CDH12: variants seen among roughly 807,000 people sequenced by gnomAD.
CDH12 encodes cadherin-12.
CDH12 carries 41 observed loss-of-function variants against 74.1 expected under a neutral mutation model. The observed-to-expected ratio is 0.55, with a 90% CI of 0.43 to 0.72. The LOEUF is 0.72. Ranked by LOEUF, CDH12 falls within the 30% of genes least tolerant of loss-of-function variation. The pLI is 0.00. For synonymous variants in CDH12, 399 were observed against 355.0 expected (o/e 1.12, Z -1.39); for missense variants, 945 against 977.2 (o/e 0.97, Z 0.44).
intron 3 of CDH12, among the ~76,000 whole-genome samples, chr5:22,389,508 T>TA (rs561605306): frequency 1.2e-4 from 19 of 152,242 alleles, no homozygotes; most frequent in Non-Finnish European, 2.4e-4. Flanking sequence ...TTTACTTAGG[T>TA]AAAAAATACA....
At chr5:22,074,991 C>T (rs1025256689) in intron 5 of CDH12, among the ~76,000 whole-genome samples, 3 of 151,978 alleles carry the variant, frequency 2.0e-5, no homozygotes, top group African/African-American at 7.3e-5. Context: ...AAACATGGTG[C>T]TATAAAGAGA....
intron 5 of CDH12, among the ~76,000 whole-genome samples, chr5:22,030,945 A>T (rs568743033): frequency 8.5e-5 from 13 of 152,310 alleles, no homozygotes; most frequent in African/African-American, 3.1e-4. Flanking sequence ...AAACTCTCCT[A>T]GCTGCAGACT....
At chr5:22,278,185 T>C (rs1736723877) in intron 3 of CDH12, 1 of 152,180 alleles carries the variant, frequency 6.6e-6, no homozygotes, top group Non-Finnish European at 1.5e-5. Flanking sequence ...TAAATTATCA[T>C]AGAAATCAGT....
intron 3 of CDH12, among the ~76,000 whole-genome samples, chr5:22,253,698 C>T (rs1014523663): frequency 2.0e-5 from 3 of 151,754 alleles, no homozygotes; most frequent in African/African-American, 7.2e-5. Flanking sequence ...TCCTCTTCCC[C>T]TTTTCCCTCT....
chr5:21,913,818 G>A (rs1411491679), intron 6 of CDH12, among the ~76,000 whole-genome samples: 2 of 151,904 alleles, frequency 1.3e-5, no homozygotes, highest in Non-Finnish European at 2.9e-5. Flanking sequence ...CCCTGTAGTG[G>A]GACTACAGGT....
Position 22,795,699 on chromosome 5 carries a change from C to T in CDH12, c.-523+57359G>A, listed in dbSNP as rs114247612. On this transcript the variant is annotated intron_variant, in intron 1 of 14. Transcript: ENST00000382254. ...GTCCAAAGGTGGAAGCATACATACA[C>T]TGTATGGTAACTAGCAAGAGCAGAC... Among the ~76,000 whole-genome samples the T allele has an allele frequency of 5.5e-3, 829 of 151,678 alleles. 6 individuals carry two copies. Among genetic ancestry groups the T allele is most frequent in the African/African-American group, 0.019 (779 of 41,374 alleles).
rs565026470 is a variant in CDH12, at chr5:22,602,802, T to C, written c.-522-97438A>G. On this transcript the variant is annotated intron_variant, in intron 1 of 14. Coordinates refer to ENST00000382254, the MANE Select transcript of CDH12 (RefSeq NM_004061.5). The stretch of plus-strand genomic sequence containing the variant: ...TTTTGTGATGCCAGTTCCTTTGGGA[T>C]TACAAAAAATAATACCCTCATTAAC... Among the ~76,000 whole-genome samples the C allele has an allele frequency of 3.9e-5, 6 of 152,272 alleles. No individual in the cohort carries two copies. In the East Asian group the frequency reaches 1.2e-3, roughly 29 times the overall value.
chr5:22,660,979 G>T (rs6872869), intron 1 of CDH12, among the ~76,000 whole-genome samples: 100,390 of 152,032 alleles, frequency 0.66, 33,352 homozygotes, highest in Admixed American at 0.73. Flanking sequence ...GTTTTCATTA[G>T]ATTAAGGACT....
At chr5:21,846,079 T>C (rs1376723292) in intron 7 of CDH12, among the ~76,000 whole-genome samples, 1 of 152,268 alleles carries the variant, frequency 6.6e-6, no homozygotes, top group Non-Finnish European at 1.5e-5. Flanking sequence ...AACGTGGCAC[T>C]AGCCAGGTAG....
intron 4 of CDH12, among the ~76,000 whole-genome samples, chr5:22,127,487 A>G (rs1226053686): frequency 8.4e-6 from 1 of 119,062 alleles, no homozygotes; most frequent in African/African-American, 2.9e-5. Context: ...CGAAAAAAAA[A>G]AAAAAAAGAG....
intron 3 of CDH12, among the ~76,000 whole-genome samples, chr5:22,334,818 C>T (rs1252254377): frequency 6.6e-6 from 1 of 152,004 alleles, no homozygotes; most frequent in Non-Finnish European, 1.5e-5. Context: ...AGAAACTAGA[C>T]CCTTCTCTCA....
At chr5:21,835,997 A>G (rs1341995160) in intron 8 of CDH12, among the ~76,000 whole-genome samples, 1 of 151,804 alleles carries the variant, frequency 6.6e-6, no homozygotes, top group Non-Finnish European at 1.5e-5. Context: ...ATGTGTACAT[A>G]TATACACGTA....
chr5:22,397,600 A>G (rs531705224), intron 3 of CDH12, among the ~76,000 whole-genome samples: 81 of 152,238 alleles, frequency 5.3e-4, no homozygotes, highest in African/African-American at 1.9e-3. Context: ...CAGTAGCAAA[A>G]TATGGTAAAT....
intron 2 of CDH12, among the ~76,000 whole-genome samples, chr5:22,488,509 C>G (rs1234542575): frequency 6.6e-6 from 1 of 152,096 alleles, no homozygotes; most frequent in Non-Finnish European, 1.5e-5. Context: ...AAAGGACTGC[C>G]CCTCAAAGGG....
intron 4 of CDH12, among the ~76,000 whole-genome samples, chr5:22,125,349 G>A (rs1229339273): frequency 6.6e-6 from 1 of 152,128 alleles, no homozygotes; most frequent in Admixed American, 6.5e-5. Flanking sequence ...TTATGAGTGA[G>A]AACATGTGCT....
chr5:22,711,307 T>A (rs1580914025), intron 1 of CDH12, among the ~76,000 whole-genome samples: 1 of 152,064 alleles, frequency 6.6e-6, no homozygotes, highest in Non-Finnish European at 1.5e-5. Flanking sequence ...CCAAGGTGGA[T>A]AAGTAAGTGG....
chr5:21,811,726 A>T (rs868068690), intron 9 of CDH12, among the ~76,000 whole-genome samples: 19 of 48,922 alleles, frequency 3.9e-4, no homozygotes, highest in African/African-American at 9.9e-4. Flanking sequence ...TTTTTTTTAC[A>T]GTTTTCTCAG....
At chr5:22,815,985 A>G (rs1402927962) in intron 1 of CDH12, among the ~76,000 whole-genome samples, 2 of 152,054 alleles carry the variant, frequency 1.3e-5, no homozygotes, top group Non-Finnish European at 2.9e-5. Flanking sequence ...GACTTGAAGA[A>G]AGTACTGTGT....
chr5:22,038,517 C>A (rs1739339132), intron 5 of CDH12, among the ~76,000 whole-genome samples: 1 of 152,168 alleles, frequency 6.6e-6, no homozygotes, highest in South Asian at 2.1e-4. Context: ...GGAGCTGTAC[C>A]ATCTACTTTT....
Sources: gnomAD v4.1 joint callset for allele counts (sites outside exome capture counted in the v4.1 genomes callset) on GRCh38, gnomAD v4.1.1 for gene constraint, MANE v1.5 for transcripts, NCBI Gene and HGNC (gene_info 2026-07-23, HGNC 2026-07-21) for gene names.